Variants in MRPL35 observed in about 807,000 individuals in gnomAD.
MRPL35 encodes large ribosomal subunit protein bL35m.
In MRPL35, 18 loss-of-function variants were observed where a neutral mutation model predicts 21.6. The observed-to-expected ratio is 0.83, with a 90% CI of 0.58 to 1.24. The LOEUF (loss-of-function observed/expected upper bound fraction) is 1.24. Ranked by LOEUF, MRPL35 falls within the 50% of genes most tolerant of loss-of-function variation. The pLI is 0.00. For missense variants in MRPL35, 223 were observed against 223.2 expected (o/e 1.00, Z 0.01); for synonymous variants, 87 against 86.9 (o/e 1.00, Z -0.01).
Position 86,207,260 on chromosome 2 carries a change from G to C in MRPL35, c.311G>C (p.Arg104Thr), listed in dbSNP as rs1558856010. Reference sequence around the variant, plus strand: ...TACTTCAGTGCAAGAAAAGGCAAGAGAAAGACCGTGAAAGCTGTCATCGAT... The same window carrying C: ...TACTTCAGTGCAAGAAAAGGCAAGACAAAGACCGTGAAAGCTGTCATCGAT... Reference protein sequence around the residue: ...LTYFSARKGKRKTVKAVIDRF... With the variant: ...LTYFSARKGKTKTVKAVIDRF... Residue 104 changes from arginine to threonine, a missense_variant, in exon 3 of 4, where the codon AGA (arginine) becomes ACA (threonine). Physicochemically the swap from Arg to Thr is moderately conservative, Grantham distance 71. Coordinates refer to ENST00000337109, the MANE Select transcript of MRPL35 (RefSeq NM_016622.4). 6.2e-7 allele frequency: 1 copy of C among 1,614,114 alleles called. No individual in the cohort carries two copies. The highest frequency in any genetic ancestry group is 8.5e-7 in the Non-Finnish European group (1 of 1,179,972).
rs1390439629 is a variant in MRPL35, at chr2:86,212,781, C to G, written c.*2113C>G. 1.9e-6 allele frequency: 2 copies of G among 1,080,002 alleles called. No individual in the cohort carries two copies. Among genetic ancestry groups the G allele is most frequent in the African/African-American group, 3.3e-5 (2 of 60,650 alleles). The allele number at this position is 1,080,002 out of a possible 1,614,324, so 66.9% of individuals were successfully genotyped here. On this transcript the variant is annotated 3_prime_UTR_variant, in exon 4 of 4. Transcript: ENST00000337109. Reference sequence around the variant, plus strand: ...GATTTTTGTTTTGTGGGTAGGAGGGCTTATCATCAACACTGATTTTATAAT... The same window carrying G: ...GATTTTTGTTTTGTGGGTAGGAGGGGTTATCATCAACACTGATTTTATAAT...
intron 1 of MRPL35, among the ~76,000 whole-genome samples, chr2:86,202,347 A>G (rs1361203044): frequency 4.6e-5 from 7 of 152,248 alleles, no homozygotes; most frequent in Non-Finnish European, 8.8e-5. Flanking sequence ...TGTCTTCACA[A>G]ATACATTAAC....
chr2:86,208,685 C>T (rs1231523805), intron 3 of MRPL35, among the ~76,000 whole-genome samples: 2 of 152,146 alleles, frequency 1.3e-5, no homozygotes, highest in Non-Finnish European at 2.9e-5. Flanking sequence ...GGTTTCCTTG[C>T]CTTCCTTTCC....
At chr2:86,203,128 G>A (rs1236411066) in intron 1 of MRPL35, among the ~76,000 whole-genome samples, 4 of 147,704 alleles carry the variant, frequency 2.7e-5, no homozygotes, top group African/African-American at 1.0e-4. Flanking sequence ...CGCTCAAGGT[G>A]GAGTGCAGTG....
chr2:86,209,935 G>A (rs1344606869), intron 3 of MRPL35, among the ~76,000 whole-genome samples: 1 of 152,164 alleles, frequency 6.6e-6, no homozygotes, highest in East Asian at 1.9e-4. Flanking sequence ...TTGAGCCCAG[G>A]AGGTAGAGGC....
At position 86,210,618 on chromosome 2, in the gene MRPL35, G is replaced by A. The variant is rs560736832; in HGVS notation, c.517G>A (p.Val173Ile). The A allele has an allele frequency of 5.8e-5, 93 of 1,613,728 alleles. No individual in the cohort carries two copies. The highest frequency in any genetic ancestry group is 2.4e-4 in the South Asian group (22 of 91,058). The change falls in exon 4 of 4, where the codon GTT becomes ATT. Residue 173 changes from valine (V) to isoleucine (I), a missense_variant. Physicochemically the swap from Val to Ile is conservative, Grantham distance 29. Transcript: ENST00000337109. Reference protein sequence around the residue: ...TSFWKRRNWYVDDPYQKYHDR... With the variant: ...TSFWKRRNWYIDDPYQKYHDR... ...CTTCTGGAAGAGGCGAAACTGGTAC[G>A]TTGATGATCCTTATCAGAAGTATCA...
chr2:86,211,201 C>T lies in MRPL35; in HGVS notation c.*533C>T. 1 of 973,178 alleles carries T rather than the reference C, an allele frequency of 1.0e-6. No homozygotes were observed. Among genetic ancestry groups the T allele is most frequent in the Non-Finnish European group, 1.2e-6 (1 of 818,802 alleles). The allele number at this position is 973,178 out of a possible 1,614,324, so 60.3% of individuals were successfully genotyped here. A position where few individuals can be genotyped will look rare whatever the true frequency, so the allele number is the denominator to read the frequency against. ...TTGTTAACTCCATTCTCTCTATTCACCAACTTCTCTACACAGCTTTTGCAT... is the reference window on the plus strand; with the variant it reads ...TTGTTAACTCCATTCTCTCTATTCATCAACTTCTCTACACAGCTTTTGCAT... On this transcript the variant is annotated 3_prime_UTR_variant, in exon 4 of 4. Transcript: ENST00000337109.
At position 86,207,187 on chromosome 2, in the gene MRPL35, G is replaced by T; in HGVS notation, c.238G>T (p.Ala80Ser). Residue 80 changes from alanine (A) to serine (S), a missense_variant, in exon 3 of 4, where the codon GCC (alanine) becomes TCC (serine). By Grantham distance (99) the Ala-to-Ser change is moderately conservative. Transcript: ENST00000337109. ...GHTSVILNRMAPVLPSVLKLP... is the reference protein window; with the variant it reads ...GHTSVILNRMSPVLPSVLKLP... ...AATTTTAAAATATATTTTTAGAATG[G>T]CCCCCGTGCTTCCAAGTGTCCTGAA... 6.2e-7 allele frequency: 1 copy of T among 1,605,924 alleles called. No homozygotes were observed. Among genetic ancestry groups the T allele is most frequent in the Non-Finnish European group, 8.5e-7 (1 of 1,176,272 alleles).
chr2:86,203,750 C>T (rs560394038), intron 1 of MRPL35, among the ~76,000 whole-genome samples: 2 of 152,282 alleles, frequency 1.3e-5, no homozygotes, highest in South Asian at 4.1e-4. Context: ...CATTACCTCT[C>T]CATAATTAAC....
Position 86,213,039 on chromosome 2 carries a change from T to G in MRPL35, c.*2371T>G. On this transcript the variant is annotated 3_prime_UTR_variant, in exon 4 of 4. Transcript: ENST00000337109. The stretch of plus-strand genomic sequence containing the variant: ...GATTAGTTAAGCCCTAATTTAGATT[T>G]GAGGAAACTGAAGCTGAGAGAGGGT... 1 of 885,710 alleles carries G rather than the reference T, an allele frequency of 1.1e-6. No homozygotes were observed. The highest frequency in any genetic ancestry group is 5.2e-5 in the South Asian group (1 of 19,214). The allele number at this position is 885,710 out of a possible 1,614,324, so 54.9% of individuals were successfully genotyped here. A position where few individuals can be genotyped will look rare whatever the true frequency, so the allele number is the denominator to read the frequency against.
At chr2:86,205,814 T>A (rs1175397524) in intron 1 of MRPL35, among the ~76,000 whole-genome samples, 1 of 152,212 alleles carries the variant, frequency 6.6e-6, no homozygotes, top group African/African-American at 2.4e-5. Context: ...GAATAAATGT[T>A]ACACACATCT....
chr2:86,207,190 C>G lies in MRPL35; in HGVS notation c.241C>G (p.Pro81Ala). The G allele has an allele frequency of 1.2e-6, 2 of 1,608,528 alleles. No homozygotes were observed. The highest frequency in any genetic ancestry group is 2.3e-5 in the East Asian group (1 of 44,422). ...TTTAAAATATATTTTTAGAATGGCC[C>G]CCGTGCTTCCAAGTGTCCTGAAGCT... is the stretch of plus-strand genomic sequence containing the variant. ...HTSVILNRMA[P>A]VLPSVLKLPV... is the part of the protein sequence containing the mutation. The change falls in exon 3 of 4, where the codon CCC (proline) becomes GCC (alanine). Residue 81 changes from proline to alanine, a missense_variant. Pro to Ala is a conservative substitution (Grantham distance 27). Transcript: ENST00000337109.
chr2:86,201,148 T>C (rs1390756503), intron 1 of MRPL35, among the ~76,000 whole-genome samples: 1 of 152,218 alleles, frequency 6.6e-6, no homozygotes, highest in African/African-American at 2.4e-5. Context: ...CATTGCCTGA[T>C]ATTGCCAAAC....
Position 86,212,415 on chromosome 2 carries a change from G to C in MRPL35, c.*1747G>C, listed in dbSNP as rs369047803. ...TGTTTTGATGGATTTTCATTTCTTC[G>C]CACTTCTGAGACGGCAAAGCCAACC... On this transcript the variant is annotated 3_prime_UTR_variant, in exon 4 of 4. Transcript: ENST00000337109. 1.9e-6 allele frequency: 3 copies of C among 1,613,556 alleles called. No individual in the cohort carries two copies. The highest frequency in any genetic ancestry group is 2.5e-6 in the Non-Finnish European group (3 of 1,179,838).
intron 1 of MRPL35, among the ~76,000 whole-genome samples, chr2:86,200,889 C>T (rs1673671135): frequency 6.6e-6 from 1 of 152,136 alleles, no homozygotes; most frequent in Non-Finnish European, 1.5e-5. Context: ...TAGTCTGGAA[C>T]TCCTGACCTC....
In MRPL35 at chr2:86,210,665, A is replaced by G. The variant is rs375938177; in HGVS notation, c.564A>G (p.Val188=). The G allele has an allele frequency of 2.5e-6, 4 of 1,605,498 alleles. No homozygotes were observed. Among genetic ancestry groups the G allele is most frequent in the African/African-American group, 1.3e-5 (1 of 74,412 alleles). ...QKYHDRTNLK[V] Reference sequence around the variant, plus strand: ...ATCATGATCGAACAAACCTGAAAGTATAGATCAGAAGTTTCACTTGTTTCT... The same window carrying G: ...ATCATGATCGAACAAACCTGAAAGTGTAGATCAGAAGTTTCACTTGTTTCT... Residue 188 remains valine, a synonymous_variant, in exon 4 of 4, where the codon GTA becomes GTG. Coordinates refer to ENST00000337109, the MANE Select transcript of MRPL35 (RefSeq NM_016622.4).
At chr2:86,209,390 C>T (rs533333761) in intron 3 of MRPL35, among the ~76,000 whole-genome samples, 7 of 152,120 alleles carry the variant, frequency 4.6e-5, no homozygotes, top group South Asian at 2.1e-4. Context: ...AAGGGCTCAC[C>T]GTGTGGTTTT....
At chr2:86,200,673 T>C (rs1012390882) in intron 1 of MRPL35, among the ~76,000 whole-genome samples, 7 of 152,058 alleles carry the variant, frequency 4.6e-5, no homozygotes, top group African/African-American at 1.7e-4. Context: ...TTCTCATTGC[T>C]ATATAATTCT....
intron 1 of MRPL35, among the ~76,000 whole-genome samples, chr2:86,203,907 G>A (rs1448214706): frequency 1.3e-5 from 2 of 151,952 alleles, no homozygotes; most frequent in African/African-American, 4.8e-5. Context: ...CCCCTCATTT[G>A]TTATCTGAAA....
Sources: gnomAD v4.1 joint callset for allele counts (sites outside exome capture counted in the v4.1 genomes callset) on GRCh38, gnomAD v4.1.1 for gene constraint, MANE v1.5 for transcripts, NCBI Gene and HGNC (gene_info 2026-07-23, HGNC 2026-07-21) for gene names.